Variants in PTPRT observed in about 807,000 individuals in gnomAD.
The protein encoded by PTPRT is protein tyrosine phosphatase receptor type T.
A neutral mutation model predicts 176.8 loss-of-function variants in PTPRT; 56 were observed. The ratio of observed to expected loss-of-function variants is 0.32; its 90% CI spans 0.26 to 0.40. PTPRT has a LOEUF of 0.40. Ranked by LOEUF, PTPRT falls within the 10% of genes least tolerant of loss-of-function variation. The pLI is 1.00. For missense variants in PTPRT, 1,540 were observed against 1,908.2 expected, an observed-to-expected ratio of 0.81 and a Z score of 3.60; for synonymous variants, 783 against 739.0, an observed-to-expected ratio of 1.06 and a Z score of -0.96.
At chr20:42,705,304 G>C (rs1009976905) in intron 6 of PTPRT, among the ~76,000 whole-genome samples, 2 of 152,136 alleles carry the variant, frequency 1.3e-5, no homozygotes, top group African/African-American at 4.8e-5. Flanking sequence ...TTGGGTGCAA[G>C]TGGGCTGAGT....
At chr20:42,153,774 T>A (rs993336446) in intron 17 of PTPRT, among the ~76,000 whole-genome samples, 1 of 152,140 alleles carries the variant, frequency 6.6e-6, no homozygotes, top group African/African-American at 2.4e-5. Flanking sequence ...GGCCAGCAAC[T>A]CTTCTCTACA....
At chr20:43,180,937 C>G (rs1335088929) in intron 1 of PTPRT, among the ~76,000 whole-genome samples, 1 of 152,078 alleles carries the variant, frequency 6.6e-6, no homozygotes, top group East Asian at 1.9e-4. Context: ...CAGAATATGA[C>G]AAAGTGATGT....
chr20:42,615,764 G>A (rs1450947175), intron 7 of PTPRT, among the ~76,000 whole-genome samples: 2,344 of 115,664 alleles, frequency 0.02, 437 homozygotes, highest in African/African-American at 0.11. Flanking sequence ...CATGTCCTTC[G>A]CCCACTTTTT....
At chr20:42,131,569 C>A (rs974390447) in intron 18 of PTPRT, among the ~76,000 whole-genome samples, 2 of 152,168 alleles carry the variant, frequency 1.3e-5, no homozygotes, top group African/African-American at 4.8e-5. Flanking sequence ...GTTAAGTGTA[C>A]TTATGGATGA....
rs534955549 is a variant in PTPRT at position 42,908,170 on chromosome 20, C to T, written c.89-22238G>A. 2.7e-4 allele frequency among the ~76,000 whole-genome samples: 41 copies of T among 152,172 alleles called. 2 individuals are homozygous for T. In the South Asian group the frequency reaches 8.5e-3, roughly 32 times the overall value. On this transcript the variant is annotated intron_variant, in intron 1 of 30. Transcript: ENST00000373187. Reference sequence around the variant, plus strand: ...AGGCAGCAAGAGAACGGGGGATAAGCATCTTGAAGACACTGATGTCCAGCC... The same window carrying T: ...AGGCAGCAAGAGAACGGGGGATAAGTATCTTGAAGACACTGATGTCCAGCC...
At chr20:42,969,770 T>C (rs1982511248) in intron 1 of PTPRT, 1 of 152,228 alleles carries the variant, frequency 6.6e-6, no homozygotes, top group African/African-American at 2.4e-5. Context: ...TACTTTTTGC[T>C]ACAAAAATAT....
chr20:42,444,130 C>T (rs1384205578), intron 9 of PTPRT, among the ~76,000 whole-genome samples: 1 of 152,080 alleles, frequency 6.6e-6, no homozygotes, highest in African/African-American at 2.4e-5. Flanking sequence ...TCATCACTGT[C>T]CTCTGTGCTC....
At chr20:42,804,654 C>T (rs1160020196) in intron 2 of PTPRT, among the ~76,000 whole-genome samples, 2 of 152,212 alleles carry the variant, frequency 1.3e-5, no homozygotes, top group African/African-American at 4.8e-5. Context: ...GGCTGAAAGC[C>T]TGAGATCAAG....
At position 42,116,025 on chromosome 20, in the gene PTPRT, A is replaced by G. The variant is rs1316935223; in HGVS notation, c.2983-710T>C. On this transcript the variant is annotated intron_variant, in intron 21 of 30. Transcript: ENST00000373187. ...ATCATGGTTTTCCCCTTAAAAGAAC[A>G]AAAGCATGATTACCATTCCGGGGGA... The G allele has an allele frequency of 3.3e-5, 24 of 720,408 alleles. No homozygotes were observed. In the Admixed American group the frequency reaches 4.6e-4, roughly 14 times the overall value. The allele number at this position is 720,408 out of a possible 1,614,324, so 44.6% of individuals were successfully genotyped here.
chr20:43,067,350 T>C (rs891790061), intron 1 of PTPRT, among the ~76,000 whole-genome samples: 1 of 152,082 alleles, frequency 6.6e-6, no homozygotes, highest in Non-Finnish European at 1.5e-5. Context: ...GTTTAATGGG[T>C]ACAGGATTTC....
chr20:43,166,064 C>T (rs187957833), intron 1 of PTPRT, among the ~76,000 whole-genome samples: 20 of 152,312 alleles, frequency 1.3e-4, no homozygotes, highest in African/African-American at 4.6e-4. Flanking sequence ...GTGGCACGCA[C>T]CTGTAATCCC....
intron 1 of PTPRT, among the ~76,000 whole-genome samples, chr20:43,092,518 G>T (rs543410775): frequency 1.3e-5 from 2 of 152,280 alleles, no homozygotes; most frequent in South Asian, 4.1e-4. Context: ...GTAGACATTA[G>T]CACTGCTTGC....
intron 7 of PTPRT, among the ~76,000 whole-genome samples, chr20:42,580,179 GT>G (rs1330228490): frequency 6.6e-6 from 1 of 152,114 alleles, no homozygotes; most frequent in Admixed American, 6.6e-5. Context: ...CCCATTGCTT[GT>G]TTTTCTCAGG....
Position 42,079,673 on chromosome 20 carries a change from T to A in PTPRT, c.*1206A>T, listed in dbSNP as rs1194283334. On this transcript the variant is annotated 3_prime_UTR_variant, in exon 31 of 31. Coordinates refer to ENST00000373187, the MANE Select transcript of PTPRT (RefSeq NM_007050.6). ...TGGCCTATTTTAAATCAAAGTATAA[T>A]GGGCTCCACAATGGCCTTTTTCAAG... is the stretch of plus-strand genomic sequence containing the variant. 2 of 228,654 alleles carry A rather than the reference T, an allele frequency of 8.7e-6. No homozygotes were observed. Among genetic ancestry groups the A allele is most frequent in the Non-Finnish European group, 1.7e-5 (2 of 115,238 alleles). The allele number at this position is 228,654 out of a possible 1,614,324, so 14.2% of individuals were successfully genotyped here.
chr20:42,640,274 T>A (rs762972366), intron 7 of PTPRT, among the ~76,000 whole-genome samples: 2 of 152,212 alleles, frequency 1.3e-5, no homozygotes, highest in African/African-American at 2.4e-5. Context: ...ATCTATTCTT[T>A]GTCTATACAT....
intron 7 of PTPRT, among the ~76,000 whole-genome samples, chr20:42,480,475 C>A (rs1452038203): frequency 6.6e-6 from 1 of 152,162 alleles, no homozygotes; most frequent in Non-Finnish European, 1.5e-5. Context: ...TCCATTAATG[C>A]CCTTGCAGTT....
chr20:42,265,090 G>T (rs2056816625), intron 13 of PTPRT, among the ~76,000 whole-genome samples: 1 of 152,162 alleles, frequency 6.6e-6, no homozygotes. Context: ...TCAATAACTG[G>T]TCATTTTTAG....
intron 27 of PTPRT, among the ~76,000 whole-genome samples, chr20:42,092,445 T>C (rs958774705): frequency 6.6e-6 from 1 of 152,228 alleles, no homozygotes; most frequent in Non-Finnish European, 1.5e-5. Context: ...ATCTAGGTTA[T>C]AGTAATCTAA....
chr20:42,509,955 A>G lies in PTPRT; in HGVS notation c.1154-37393T>C, dbSNP rs1377043634. On this transcript the variant is annotated intron_variant, in intron 7 of 30. Coordinates refer to ENST00000373187, the MANE Select transcript of PTPRT (RefSeq NM_007050.6). ...GATAAAGAAGGAACCTGGGCTGTGA[A>G]GTCAGAAATTGAGCTCCTCCACTTG... Among the ~76,000 whole-genome samples, 4 of 152,106 alleles carry G rather than the reference A, an allele frequency of 2.6e-5. No homozygotes were observed. The East Asian group carries it at 7.7e-4, about 29-fold the overall frequency.
Sources: gnomAD v4.1 joint callset for allele counts (sites outside exome capture counted in the v4.1 genomes callset) on GRCh38, gnomAD v4.1.1 for gene constraint, MANE v1.5 for transcripts, NCBI Gene and HGNC (gene_info 2026-07-23, HGNC 2026-07-21) for gene names.